Variants in MX1 observed in about 807,000 individuals in gnomAD.
MX1 encodes interferon-induced GTP-binding protein Mx1.
MX1 carries 66 observed loss-of-function variants against 66.4 expected under a neutral mutation model. That is an observed-to-expected ratio of 0.99 (90% CI 0.82 to 1.22). The LOEUF is 1.22. Among genes scored for constraint, MX1 ranks in the 50% most tolerant of loss-of-function variants. MX1 has a pLI of 0.00. For synonymous variants in MX1, 311 were observed against 318.1 expected, an observed-to-expected ratio of 0.98 and a Z score of 0.24; for missense variants, 787 against 834.3, an observed-to-expected ratio of 0.94 and a Z score of 0.70.
chr21:41,432,280 C>T, intron 5 of MX1, 105 bp downstream of exon 5: 1 of 981,290 alleles, frequency 1.0e-6, no homozygotes, highest in Non-Finnish European at 1.6e-6. Context: ...TGCCTGCTCT[C>T]TCGCCTCTCC....
rs746320882 is a variant in MX1, at chr21:41,435,937, C to G, written c.206C>G (p.Ala69Gly). 3 of 1,614,232 alleles carry G rather than the reference C, an allele frequency of 1.9e-6. No individual in the cohort carries two copies. The highest frequency in any genetic ancestry group is 2.5e-6 in the Non-Finnish European group (3 of 1,180,038). ...LRALGVEQDL[A>G]LPAIAVIGDQ... is the part of the protein sequence containing the mutation. ...GCTCTAGGTGTGGAGCAGGACCTGG[C>G]CCTGCCAGCCATCGCCGTCATCGGG... The change falls in exon 6 of 17, where the codon GCC becomes GGC. Residue 69 changes from alanine to glycine, a missense_variant. Physicochemically the swap from Ala to Gly is moderately conservative, Grantham distance 60 (BLOSUM62 0). Transcript: ENST00000398598.
At chr21:41,448,928 T>TG (rs2146306715) in intron 13 of MX1, among the ~76,000 whole-genome samples, 1 of 90,222 alleles carries the variant, frequency 1.1e-5, no homozygotes, top group South Asian at 4.2e-4. Context: ...TCAGATCTGG[T>TG]TTTGTGTGTG....
chr21:41,437,233 C>T (rs2090390600), intron 7 of MX1, 81 bp downstream of exon 7: 10 of 1,518,738 alleles, frequency 6.6e-6, no homozygotes, highest in Non-Finnish European at 9.0e-6. Context: ...ACTCCCACCT[C>T]CCTGGGCCTG....
At chr21:41,425,375 A>T (rs984269535), upstream of MX1, among the ~76,000 whole-genome samples, 6 of 152,102 alleles carry the variant, frequency 3.9e-5, no homozygotes, top group African/African-American at 1.4e-4. Flanking sequence ...ATTACAAATA[A>T]CCTTCTTAAG....
intron 16 of MX1, 28 bp downstream of exon 16, chr21:41,452,897 A>G (rs1162598465): frequency 5.0e-6 from 8 of 1,608,584 alleles, no homozygotes; most frequent in Non-Finnish European, 6.8e-6. Flanking sequence ...TCAGGATGCC[A>G]GCTTCCATTC....
At chr21:41,438,020 A>G (rs1458558963) in intron 7 of MX1, among the ~76,000 whole-genome samples, 1 of 152,248 alleles carries the variant, frequency 6.6e-6, no homozygotes. Flanking sequence ...CTGACAAAGA[A>G]CAGCCTCTGT....
At chr21:41,447,785 G>A (rs927988523) in intron 13 of MX1, among the ~76,000 whole-genome samples, 1 of 151,980 alleles carries the variant, frequency 6.6e-6, no homozygotes, top group African/African-American at 2.4e-5. Flanking sequence ...GCCCAGGCTG[G>A]GGTGCAGTGG....
Position 41,427,272 on chromosome 21 carries a change from C to G in MX1, c.-242C>G, listed in dbSNP as rs2090089407. ...TGGACACGCCTCCCTCGCGCCCTTG[C>G]CGCCCACCTGCTCACCCAGCTCAGG... On this transcript the variant is annotated 5_prime_UTR_variant, in exon 2 of 17. Transcript: ENST00000398598. The G allele has an allele frequency of 6.6e-6, 1 of 152,256 alleles. No homozygotes were observed. The highest frequency in any genetic ancestry group is 2.1e-4 in the South Asian group (1 of 4,830). The allele number at this position is 152,256 out of a possible 1,614,324, so 9.4% of individuals were successfully genotyped here. A position where few individuals can be genotyped will look rare whatever the true frequency, so the allele number is the denominator to read the frequency against.
At chr21:41,434,571 A>C (rs1214590013) in intron 5 of MX1, among the ~76,000 whole-genome samples, 2 of 151,786 alleles carry the variant, frequency 1.3e-5, no homozygotes, top group East Asian at 3.9e-4. Context: ...TGATTCCATC[A>C]TGTCTCCTTT....
At position 41,439,829 on chromosome 21, in the gene MX1, C is replaced by T. The variant is rs1419054394; in HGVS notation, c.572C>T (p.Pro191Leu). Reference protein sequence around the residue: ...GITRVAVGNQPADIGYKIKTL... With the variant: ...GITRVAVGNQLADIGYKIKTL... Reference sequence around the variant, plus strand: ...ACCAGAGTGGCTGTGGGCAATCAGCCTGCTGACATTGGGTATAAGGTCAGA... The same window carrying T: ...ACCAGAGTGGCTGTGGGCAATCAGCTTGCTGACATTGGGTATAAGGTCAGA... Residue 191 changes from proline (P) to leucine (L), a missense_variant, in exon 8 of 17, where the codon CCT becomes CTT. Physicochemically the swap from Pro to Leu is moderately conservative, Grantham distance 98. Coordinates refer to ENST00000398598, the MANE Select transcript of MX1 (RefSeq NM_002462.5). 6.2e-7 allele frequency: 1 copy of T among 1,611,582 alleles called. No homozygotes were observed. The highest frequency in any genetic ancestry group is 1.1e-5 in the South Asian group (1 of 91,036).
chr21:41,441,311 G>A lies in MX1; in HGVS notation c.730+286G>A. 1 of 457,040 alleles carries A rather than the reference G, an allele frequency of 2.2e-6. No individual in the cohort carries two copies. The highest frequency in any genetic ancestry group is 4.0e-6 in the Non-Finnish European group (1 of 249,588). 28.3% of individuals were successfully genotyped at this position (457,040 alleles called of 1,614,324 possible). A position where few individuals can be genotyped will look rare whatever the true frequency, so the allele number is the denominator to read the frequency against. On this transcript the variant is annotated intron_variant, in intron 9 of 16. Coordinates refer to ENST00000398598, the MANE Select transcript of MX1 (RefSeq NM_002462.5). This position sits in a 1 kb window ranked among gnomAD's most constrained non-coding sequence, Gnocchi z 4.0. ...AATGAGCTGCTTTTGACTCTCACTG[G>A]CTAGGTTGCCTTGTAAGCCTTATCT... is the stretch of plus-strand genomic sequence containing the variant.
upstream of MX1, among the ~76,000 whole-genome samples, chr21:41,424,696 C>A (rs2090029481): frequency 6.6e-6 from 1 of 152,184 alleles, no homozygotes; most frequent in Admixed American, 6.5e-5. Flanking sequence ...CATGGGTCTG[C>A]TTGACTCAGC....
At chr21:41,438,286 CAAAA>C (rs1368740356) in intron 7 of MX1, among the ~76,000 whole-genome samples, 1 of 152,244 alleles carries the variant, frequency 6.6e-6, no homozygotes, top group Non-Finnish European at 1.5e-5. Context: ...GCAGAAAACT[CAAAA>C]TAACTGTGTG....
At chr21:41,436,148 T>C in intron 6 of MX1, 119 bp downstream of exon 6, 1 of 1,216,254 alleles carries the variant, frequency 8.2e-7, no homozygotes, top group African/African-American at 1.5e-5. Context: ...AAGTCCAAAA[T>C]CAGGGTTTAG....
At chr21:41,423,638 C>T (rs2090015592), upstream of MX1, among the ~76,000 whole-genome samples, 1 of 152,182 alleles carries the variant, frequency 6.6e-6, no homozygotes, top group African/African-American at 2.4e-5. Flanking sequence ...CTGGGACATC[C>T]AGCTCGTCCC....
At chr21:41,420,912 T>G (rs913620615) in intron 1 of MX1, 1 of 152,248 alleles carries the variant, frequency 6.6e-6, no homozygotes, top group Admixed American at 6.5e-5. Context: ...TGTTTCTCGT[T>G]AGGTGGAAGG....
rs1471142219 is a variant in MX1 at position 41,437,107 on chromosome 21, A to G, written c.391A>G (p.Ile131Val). Residue 131 changes from isoleucine to valine, a missense_variant, in exon 7 of 17, where the codon ATT becomes GTT. Coordinates refer to ENST00000398598, the MANE Select transcript of MX1 (RefSeq NM_002462.5). ...CAAGGTCAGTTACCAGGACTACGAG[A>G]TTGAGATTTCGGATGCTTCAGAGGT... Reference protein sequence around the residue: ...RGKVSYQDYEIEISDASEVEK... With the variant: ...RGKVSYQDYEVEISDASEVEK... The G allele has an allele frequency of 6.2e-7, 1 of 1,614,002 alleles. No individual in the cohort carries two copies. The highest frequency in any genetic ancestry group is 2.2e-5 in the East Asian group (1 of 44,874).
Position 41,458,814 on chromosome 21 carries a change from G to C in MX1, c.*56G>C. 6.4e-7 allele frequency: 1 copy of C among 1,565,080 alleles called. No homozygotes were observed. The highest frequency in any genetic ancestry group is 1.2e-5 in the South Asian group (1 of 85,572). On this transcript the variant is annotated 3_prime_UTR_variant, in exon 17 of 17. Transcript: ENST00000398598. ...CGCACACTGTCTGCCCCCGTTCCCG[G>C]GTAGCCACTGGACTGACGACTTGAG...
chr21:41,456,890 T>C (rs1379101437), intron 16 of MX1, among the ~76,000 whole-genome samples: 1 of 152,052 alleles, frequency 6.6e-6, no homozygotes, highest in Non-Finnish European at 1.5e-5. Context: ...GCCTCCTGAG[T>C]AGCTGGGACT....
Sources: allele counts gnomAD v4.1 joint callset (sites outside exome capture counted in the v4.1 genomes callset), GRCh38; gene constraint gnomAD v4.1.1; non-coding constraint Gnocchi (gnomAD v3.1); transcripts MANE v1.5; gene names NCBI Gene and HGNC (gene_info 2026-07-23, HGNC 2026-07-21).